LPAR3: variants seen among roughly 807,000 people sequenced by gnomAD.
LPAR3 encodes LPA receptor 3.
A neutral mutation model predicts 17.8 loss-of-function variants in LPAR3; 7 were observed. The observed-to-expected ratio is 0.39, with a 90% CI of 0.22 to 0.74. LPAR3 has a LOEUF of 0.74. LPAR3 is among the 30% of genes least tolerant of loss of function. LPAR3 has a pLI of 0.40. For synonymous variants in LPAR3, 179 were observed against 179.9 expected (o/e 0.99, Z 0.04); for missense variants, 391 against 453.4 (o/e 0.86, Z 1.25).
At chr1:84,851,371 C>A (rs1659708716) in intron 2 of LPAR3, among the ~76,000 whole-genome samples, 1 of 152,092 alleles carries the variant, frequency 6.6e-6, no homozygotes, top group Non-Finnish European at 1.5e-5. Flanking sequence ...CCAGGTCCCA[C>A]CCAATAAGCA....
At chr1:84,875,179 C>T (rs560324151) in intron 1 of LPAR3, among the ~76,000 whole-genome samples, 2 of 152,268 alleles carry the variant, frequency 1.3e-5, no homozygotes, top group South Asian at 2.1e-4. Context: ...AGATGACAGA[C>T]GTGAGCCATC....
At chr1:84,844,113 G>A (rs1253495295) in intron 2 of LPAR3, among the ~76,000 whole-genome samples, 2 of 152,180 alleles carry the variant, frequency 1.3e-5, no homozygotes, top group Non-Finnish European at 2.9e-5. Flanking sequence ...TGTGTTCCCA[G>A]GGCCTAAACA....
intron 2 of LPAR3, among the ~76,000 whole-genome samples, chr1:84,815,002 TATC>T (rs1658904795): frequency 6.6e-6 from 1 of 152,182 alleles, no homozygotes; most frequent in South Asian, 2.1e-4. Context: ...TCCCTACTAT[TATC>T]ATAACCTCAG....
At chr1:84,860,021 C>G (rs370681360) in intron 2 of LPAR3, among the ~76,000 whole-genome samples, 2 of 152,302 alleles carry the variant, frequency 1.3e-5, no homozygotes, top group South Asian at 4.1e-4. Context: ...AAAGCAGGAT[C>G]GTATGTCTCC....
intron 1 of LPAR3, among the ~76,000 whole-genome samples, chr1:84,890,173 A>T (rs951957213): frequency 1.3e-5 from 2 of 152,216 alleles, no homozygotes; most frequent in Non-Finnish European, 2.9e-5. Flanking sequence ...GGAACAAAGG[A>T]TCATCAAGGC....
intron 1 of LPAR3, among the ~76,000 whole-genome samples, chr1:84,882,663 C>A (rs1321103584): frequency 2.0e-5 from 3 of 151,988 alleles, no homozygotes; most frequent in African/African-American, 7.3e-5. Flanking sequence ...ACTAGAGAGC[C>A]CAAAAATAAA....
In LPAR3 at chr1:84,812,391, A is replaced by C. The variant is rs992640923; in HGVS notation, c.*1455T>G. On this transcript the variant is annotated 3_prime_UTR_variant, in exon 3 of 3. Transcript: ENST00000370611. ...TTAAATGCAAAGTGAAGTTGTTTAA[A>C]TATACACATGTGTTCCCTGACATTC... The C allele has an allele frequency of 6.7e-6, 1 of 148,714 alleles. No homozygotes were observed. The highest frequency in any genetic ancestry group is 1.5e-5 in the Non-Finnish European group (1 of 67,396). 9.2% of individuals were successfully genotyped at this position (148,714 alleles called of 1,614,324 possible). A position where few individuals can be genotyped will look rare whatever the true frequency, so the allele number is the denominator to read the frequency against.
At chr1:84,817,800 G>C (rs1477365837) in intron 2 of LPAR3, among the ~76,000 whole-genome samples, 1 of 107,300 alleles carries the variant, frequency 9.3e-6, no homozygotes. Context: ...TCCTTTCCTG[G>C]CCAAAAAAAA....
chr1:84,867,556 T>C (rs1422902984), intron 1 of LPAR3, among the ~76,000 whole-genome samples: 1 of 152,156 alleles, frequency 6.6e-6, no homozygotes, highest in Non-Finnish European at 1.5e-5. Context: ...TTTTTTAATT[T>C]ATATTTTAAT....
At chr1:84,876,060 C>T (rs1047948320) in intron 1 of LPAR3, among the ~76,000 whole-genome samples, 1 of 152,158 alleles carries the variant, frequency 6.6e-6, no homozygotes, top group Non-Finnish European at 1.5e-5. Context: ...CTAATCAAGG[C>T]TTCAAAGATA....
rs963442135 is a variant in LPAR3 at position 84,812,849 on chromosome 1, A to G, written c.*997T>C. 2 of 151,868 alleles carry G rather than the reference A, an allele frequency of 1.3e-5. No homozygotes were observed. Among genetic ancestry groups the G allele is most frequent in the African/African-American group, 4.8e-5 (2 of 41,304 alleles). 9.4% of individuals were successfully genotyped at this position (151,868 alleles called of 1,614,324 possible). A position where few individuals can be genotyped will look rare whatever the true frequency, so the allele number is the denominator to read the frequency against. On this transcript the variant is annotated 3_prime_UTR_variant, in exon 3 of 3. Transcript: ENST00000370611. Reference sequence around the variant, plus strand: ...TCTCTTGGCTTCTTTTGCTCTTACTAGGCAAGATTATCAGCTGGATGTTCC... The same window carrying G: ...TCTCTTGGCTTCTTTTGCTCTTACTGGGCAAGATTATCAGCTGGATGTTCC...
chr1:84,861,363 C>T (rs9324142), intron 2 of LPAR3, among the ~76,000 whole-genome samples: 7,267 of 152,208 alleles, frequency 0.048, 276 homozygotes, highest in African/African-American at 0.1. Flanking sequence ...GTGCTTGGAT[C>T]CACAGAAATG....
intron 2 of LPAR3, 37 bp from the exon 3 acceptor site, chr1:84,814,208 C>A: frequency 6.5e-7 from 1 of 1,540,038 alleles, no homozygotes; most frequent in Non-Finnish European, 8.9e-7. Context: ...GATGCTCAGA[C>A]CTTAGGGGAC....
At chr1:84,845,213 A>C (rs1005499339) in intron 2 of LPAR3, among the ~76,000 whole-genome samples, 2 of 152,182 alleles carry the variant, frequency 1.3e-5, no homozygotes, top group Non-Finnish European at 2.9e-5. Flanking sequence ...AAGAACATTG[A>C]AAAGCATTTT....
intron 1 of LPAR3, among the ~76,000 whole-genome samples, chr1:84,870,035 T>C (rs1660130244): frequency 2.0e-5 from 3 of 152,348 alleles, no homozygotes; most frequent in Middle Eastern, 6.8e-3. Context: ...CAGATTATCA[T>C]ACTGTCTTAG....
chr1:84,863,395 G>T (rs1215321048), intron 2 of LPAR3, among the ~76,000 whole-genome samples: 1 of 152,148 alleles, frequency 6.6e-6, no homozygotes, highest in Admixed American at 6.5e-5. Flanking sequence ...AGCAACACCT[G>T]GTCTTACACC....
intron 2 of LPAR3, among the ~76,000 whole-genome samples, chr1:84,854,624 G>T (rs1421951871): frequency 2.0e-5 from 3 of 152,152 alleles, no homozygotes; most frequent in African/African-American, 7.2e-5. Flanking sequence ...TGCCTTCAGG[G>T]TAGAGGCCAT....
chr1:84,853,552 T>G (rs548379282), intron 2 of LPAR3, among the ~76,000 whole-genome samples: 1 of 152,282 alleles, frequency 6.6e-6, no homozygotes, highest in East Asian at 1.9e-4. Context: ...TCCTGCCAGA[T>G]TTCCATAAGC....
chr1:84,856,496 G>A (rs1335557079), intron 2 of LPAR3, among the ~76,000 whole-genome samples: 1 of 152,210 alleles, frequency 6.6e-6, no homozygotes, highest in East Asian at 1.9e-4. Context: ...CAAGGCCACA[G>A]AAGCTGAAAA....
Sources: gnomAD v4.1 joint callset for allele counts (sites outside exome capture counted in the v4.1 genomes callset) on GRCh38, gnomAD v4.1.1 for gene constraint, MANE v1.5 for transcripts, NCBI Gene and HGNC (gene_info 2026-07-23, HGNC 2026-07-21) for gene names.